The following SGCD variants were observed in gnomAD, a reference collection of about 807,000 sequenced individuals.
SGCD encodes sarcoglycan delta.
SGCD carries 18 observed loss-of-function variants against 36.6 expected under a neutral mutation model. That is an observed-to-expected ratio of 0.49 (90% CI 0.34 to 0.73). The LOEUF (loss-of-function observed/expected upper bound fraction) is 0.73. Among genes scored for constraint, SGCD ranks in the 30% least tolerant of loss-of-function variants. The pLI is 0.01. For synonymous variants in SGCD, 133 were observed against 130.6 expected (o/e 1.02, Z -0.12); for missense variants, 387 against 346.7 (o/e 1.12, Z -0.92).
intron 7 of SGCD, among the ~76,000 whole-genome samples, chr5:156,731,841 T>C (rs1353242586): frequency 6.6e-6 from 1 of 152,136 alleles, no homozygotes; most frequent in Non-Finnish European, 1.5e-5. Context: ...CATTGAGCAG[T>C]GGTTTGTAGT....
intron 4 of SGCD, among the ~76,000 whole-genome samples, chr5:156,549,399 G>T (rs116797760): frequency 0.012 from 1,883 of 152,248 alleles, 42 homozygotes; most frequent in African/African-American, 0.042. Context: ...AACATACTTG[G>T]CTGCAAATAT....
chr5:156,295,307 G>A (rs1280774483), intron 3 of SGCD, among the ~76,000 whole-genome samples: 2 of 151,976 alleles, frequency 1.3e-5, no homozygotes, highest in Non-Finnish European at 2.9e-5. Context: ...GCATTTGTAC[G>A]TACCACTTTT....
chr5:156,215,763 A>G (rs374150880), intron 3 of SGCD, among the ~76,000 whole-genome samples: 28 of 152,218 alleles, frequency 1.8e-4, no homozygotes, highest in Middle Eastern at 6.8e-3. Flanking sequence ...TGTAAAATTG[A>G]GTGGAGGTCC....
At chr5:155,774,984 T>C in the SGCD span, among the ~76,000 whole-genome samples, 1 of 152,138 alleles carries the variant, frequency 6.6e-6, no homozygotes, top group African/African-American at 2.4e-5. Flanking sequence ...TGTGTACTTT[T>C]TGTCTAATTT....
At chr5:156,133,226 G>T (rs1041451685) in intron 3 of SGCD, among the ~76,000 whole-genome samples, 1 of 152,184 alleles carries the variant, frequency 6.6e-6, no homozygotes, top group Non-Finnish European at 1.5e-5. Context: ...CAAACTGTAA[G>T]TGTTGACTCT....
intron 3 of SGCD, among the ~76,000 whole-genome samples, chr5:156,291,337 C>A (rs542121376): frequency 6.6e-6 from 1 of 151,896 alleles, no homozygotes; most frequent in African/African-American, 2.4e-5. Context: ...ACATGCTATG[C>A]ATGTAAAAAA....
intron 7 of SGCD, among the ~76,000 whole-genome samples, chr5:156,667,812 A>C (rs975438154): frequency 2.6e-5 from 4 of 152,244 alleles, no homozygotes; most frequent in African/African-American, 9.6e-5. Flanking sequence ...GCTGTCTTTC[A>C]TCAGGGCTCA....
intron 3 of SGCD, among the ~76,000 whole-genome samples, chr5:156,304,998 G>A (rs574286017): frequency 2.0e-5 from 3 of 152,200 alleles, no homozygotes; most frequent in South Asian, 2.1e-4. Context: ...AAGTGACTTG[G>A]GTGCTGTTAA....
At chr5:156,188,668 G>C (rs2871770) in intron 3 of SGCD, among the ~76,000 whole-genome samples, 40,476 of 88,936 alleles carry the variant, frequency 0.46, 6,148 homozygotes, top group African/African-American at 0.47. Flanking sequence ...CACCCCAACC[G>C]CCCCCCCCGA....
intron 1 of SGCD, among the ~76,000 whole-genome samples, chr5:155,889,483 A>C (rs902464659): frequency 6.6e-6 from 1 of 152,180 alleles, no homozygotes; most frequent in Non-Finnish European, 1.5e-5. Flanking sequence ...AGGAGGTGGT[A>C]ATTAAAGTGA....
chr5:155,859,235 A>G, the SGCD span, among the ~76,000 whole-genome samples: 3 of 151,286 alleles, frequency 2.0e-5, no homozygotes, highest in African/African-American at 7.3e-5. Context: ...TATTATTATT[A>G]TTATTGTTAT....
At chr5:156,042,153 C>A (rs1309989680) in intron 1 of SGCD, among the ~76,000 whole-genome samples, 1 of 151,404 alleles carries the variant, frequency 6.6e-6, no homozygotes, top group Admixed American at 6.6e-5. Flanking sequence ...TAGGTACACT[C>A]TGAATTTTGA....
At chr5:155,915,280 G>A (rs1451004774) in intron 1 of SGCD, among the ~76,000 whole-genome samples, 1 of 152,094 alleles carries the variant, frequency 6.6e-6, no homozygotes, top group Non-Finnish European at 1.5e-5. Flanking sequence ...CACTCTATGT[G>A]TGTCTATGCT....
intron 3 of SGCD, among the ~76,000 whole-genome samples, chr5:156,315,934 G>A (rs934962487): frequency 3.3e-5 from 5 of 151,596 alleles, no homozygotes; most frequent in African/African-American, 7.3e-5. Flanking sequence ...AAATATTTTG[G>A]ATATTAACCC....
the SGCD span, among the ~76,000 whole-genome samples, chr5:155,790,606 C>T: frequency 6.6e-6 from 1 of 152,022 alleles, no homozygotes; most frequent in Non-Finnish European, 1.5e-5. Context: ...ACTCCAAACC[C>T]TAAAAGCATG....
intron 7 of SGCD, 33 bp downstream of exon 7, chr5:156,647,569 T>C (rs1763278105): frequency 7.2e-7 from 1 of 1,386,276 alleles, no homozygotes; most frequent in East Asian, 2.4e-5. Flanking sequence ...CATTGATTAA[T>C]GGCTATTGCC....
In SGCD at chr5:156,381,554, G is replaced by A. The variant is rs189114588; in HGVS notation, c.192+36877G>A. Among the ~76,000 whole-genome samples the A allele has an allele frequency of 2.6e-5, 4 of 150,996 alleles. No individual in the cohort carries two copies. The East Asian group carries it at 7.9e-4, about 30-fold the overall frequency. On this transcript the variant is annotated intron_variant, in intron 3 of 8. Coordinates refer to ENST00000337851, the MANE Select transcript of SGCD (RefSeq NM_000337.6). ...TAAATGTAGTACTTTGTTCTACTAG[G>A]TAAATGTCCTCATGTAAACATACAT...
At chr5:156,070,481 C>G (rs1760511869) in intron 1 of SGCD, among the ~76,000 whole-genome samples, 1 of 149,544 alleles carries the variant, frequency 6.7e-6, no homozygotes, top group Non-Finnish European at 1.5e-5. Flanking sequence ...GGGATGAAGC[C>G]CACTTGATCA....
chr5:156,229,261 C>CATATATATATATAT (rs1263970141), intron 3 of SGCD, among the ~76,000 whole-genome samples: 1 of 14,026 alleles, frequency 7.1e-5, no homozygotes, highest in Admixed American at 6.7e-4. Context: ...TACATACATA[C>CATATATATATATAT]ATATATATAT....
Sources: gnomAD v4.1 joint callset for allele counts (sites outside exome capture counted in the v4.1 genomes callset) on GRCh38, gnomAD v4.1.1 for gene constraint, MANE v1.5 for transcripts, NCBI Gene and HGNC (gene_info 2026-07-23, HGNC 2026-07-21) for gene names.